The following UNC5A variants were observed in gnomAD, a reference collection of about 807,000 sequenced individuals.
The protein encoded by UNC5A is netrin receptor UNC5A.
Under a neutral mutation model 87.4 loss-of-function variants are expected in UNC5A, and 20 were observed. The ratio of observed to expected loss-of-function variants is 0.23; its 90% CI spans 0.16 to 0.33. UNC5A has a LOEUF of 0.33. Among genes scored for constraint, UNC5A ranks in the 10% least tolerant of loss-of-function variants. The probability of loss-of-function intolerance (pLI) is 1.00; values close to 1 mark genes in which losing one functional copy is unlikely to be tolerated. For synonymous variants in UNC5A, 438 were observed against 482.3 expected, an observed-to-expected ratio of 0.91 and a Z score of 1.20; for missense variants, 844 against 1,133.4, an observed-to-expected ratio of 0.74 and a Z score of 3.67.
chr5:176,810,762 G>A lies in UNC5A; in HGVS notation c.12G>A (p.Arg4=). 8.4e-7 allele frequency: 1 copy of A among 1,191,656 alleles called. No homozygotes were observed. The allele number at this position is 1,191,656 out of a possible 1,614,324, so 73.8% of individuals were successfully genotyped here. A position where few individuals can be genotyped will look rare whatever the true frequency, so the allele number is the denominator to read the frequency against. ...GCCCGCCCGCGGCCATGGCCGTCCG[G>A]CCCGGCCTGTGGCCAGCGCTCCTGG... MAV[R]PGLWPALLGI... Residue 4 remains arginine (R), a synonymous_variant, in exon 1 of 15, where the codon CGG becomes CGA. Transcript: ENST00000329542. This position sits in a 1 kb window ranked among gnomAD's most constrained non-coding sequence, Gnocchi z 7.3.
intron 1 of UNC5A, among the ~76,000 whole-genome samples, chr5:176,812,844 C>T (rs1756496191): frequency 6.6e-6 from 1 of 152,124 alleles, no homozygotes; most frequent in Non-Finnish European, 1.5e-5. Flanking sequence ...ACTCCCTTCC[C>T]CCTGTGCCCC....
chr5:176,853,115 G>A (rs1260456282), intron 1 of UNC5A, among the ~76,000 whole-genome samples: 3 of 152,214 alleles, frequency 2.0e-5, no homozygotes, highest in Non-Finnish European at 4.4e-5. Context: ...CAGCGTGTGC[G>A]GGCACGACAA....
chr5:176,864,907 G>C (rs1757934550), intron 2 of UNC5A: 2 of 446,070 alleles, frequency 4.5e-6, no homozygotes, highest in South Asian at 3.2e-5. Context: ...GGCCCCAGCG[G>C]AGGTGCCAGA....
At chr5:176,864,674 G>C in intron 2 of UNC5A, 1 of 322,010 alleles carries the variant, frequency 3.1e-6, no homozygotes, top group Non-Finnish European at 6.3e-6. Context: ...CCCAAGTGTC[G>C]TCTCAGTGCC....
At chr5:176,868,013 A>C in intron 2 of UNC5A, 117 bp from the exon 3 acceptor site, 5 of 851,516 alleles carry the variant, frequency 5.9e-6, no homozygotes, top group Non-Finnish European at 8.2e-6. Context: ...TAAAAAAAAA[A>C]AAACAAAGTC....
At chr5:176,813,011 C>T (rs761421363) in intron 1 of UNC5A, among the ~76,000 whole-genome samples, 2 of 152,178 alleles carry the variant, frequency 1.3e-5, no homozygotes, top group Non-Finnish European at 2.9e-5. Flanking sequence ...CAGGGGGCGC[C>T]GGGGGCCAGC....
intron 1 of UNC5A, among the ~76,000 whole-genome samples, chr5:176,853,228 G>A (rs1757587604): frequency 6.6e-6 from 1 of 152,192 alleles, no homozygotes; most frequent in Admixed American, 6.5e-5. Context: ...TCCTTGGTGG[G>A]TTGTACCACC....
In UNC5A at chr5:176,877,645, C is replaced by T. The variant is rs1408995356; in HGVS notation, c.1577C>T (p.Pro526Leu). 6.2e-7 allele frequency: 1 copy of T among 1,612,304 alleles called. No homozygotes were observed. The highest frequency in any genetic ancestry group is 1.7e-5 in the Admixed American group (1 of 60,008). ...VILAMDHCGEPSPDSWSLRLK... is the reference protein window; with the variant it reads ...VILAMDHCGELSPDSWSLRLK... ...CTGGCTATGGACCACTGTGGGGAGC[C>T]CAGCCCTGACAGCTGGAGCCTGCGC... Residue 526 changes from proline (P) to leucine (L), a missense_variant, in exon 10 of 15, where the codon CCC becomes CTC. Around this residue, in one of 3 missense-constraint regions of UNC5A, gnomAD observed 353 missense variants for 387.5 expected, o/e 0.91. Transcript: ENST00000329542.
Position 176,865,107 on chromosome 5 carries a change from G to C in UNC5A, c.292+2262G>C, listed in dbSNP as rs1397078599. On this transcript the variant is annotated intron_variant, in intron 2 of 14. Coordinates refer to ENST00000329542, the MANE Select transcript of UNC5A (RefSeq NM_133369.3). The surrounding 1 kb of genome is among the most constrained non-coding windows in gnomAD (Gnocchi z 5.3). ...CATGAAATCTCACGTGCCCAGTCAG[G>C]ACCCAGCACGGGGCCTTTCCTTTCT... The C allele has an allele frequency of 3.1e-6, 1 of 327,138 alleles. No homozygotes were observed. The highest frequency in any genetic ancestry group is 6.0e-6 in the Non-Finnish European group (1 of 165,470). 20.3% of individuals were successfully genotyped at this position (327,138 alleles called of 1,614,324 possible).
chr5:176,828,026 C>T (rs551307367), intron 1 of UNC5A, among the ~76,000 whole-genome samples: 9 of 152,166 alleles, frequency 5.9e-5, no homozygotes, highest in Admixed American at 2.0e-4. Flanking sequence ...TCAGCCCTCT[C>T]GGACCCTGTG....
rs1336788549 is a variant in UNC5A, at chr5:176,862,852, C to T, written c.292+7C>T. On this transcript the variant is annotated splice_region_variant and intron_variant, in intron 2 of 14. Transcript: ENST00000329542. ...AGCACAGACGGGAGCAGTGGTGAGCCGCATGGGGCGCCAGGCAGGGCCAAT... is the reference window on the plus strand; with the variant it reads ...AGCACAGACGGGAGCAGTGGTGAGCTGCATGGGGCGCCAGGCAGGGCCAAT... 23 of 1,612,082 alleles carry T rather than the reference C, an allele frequency of 1.4e-5. No homozygotes were observed. Among genetic ancestry groups the T allele is most frequent in the East Asian group, 2.2e-5 (1 of 44,832 alleles).
At chr5:176,817,982 C>A (rs1756634901) in intron 1 of UNC5A, among the ~76,000 whole-genome samples, 1 of 152,084 alleles carries the variant, frequency 6.6e-6, no homozygotes, top group South Asian at 2.1e-4. Flanking sequence ...GCTCTTTGTT[C>A]GGGGCCTGTT....
Position 176,831,984 on chromosome 5 carries a change from C to T in UNC5A, c.70+21164C>T, listed in dbSNP as rs570522367. Among the ~76,000 whole-genome samples, 62 of 150,546 alleles carry T rather than the reference C, an allele frequency of 4.1e-4. 1 individual carries two copies. Among genetic ancestry groups the T allele is most frequent in the African/African-American group, 1.5e-3 (61 of 40,550 alleles). On this transcript the variant is annotated intron_variant, in intron 1 of 14. Transcript: ENST00000329542. ...CAATCTCGGCTCTCTGCAACCTCCA[C>T]CTACCTGGCTCAAGTGATTCTCATG...
In UNC5A at chr5:176,874,041, G is replaced by A. The variant is rs932821857; in HGVS notation, c.960G>A (p.Leu320=). 3.7e-6 allele frequency: 6 copies of A among 1,613,992 alleles called. No individual in the cohort carries two copies. Among genetic ancestry groups the A allele is most frequent in the Non-Finnish European group, 5.1e-6 (6 of 1,179,998 alleles). ...TGGCCGTCTGCCTGGTCCTGCTGCT[G>A]CTTGTCCTCATCCTCGTTTATTGCC... ...IAVAVCLVLL[L]LVLILVYCRK... is the part of the protein sequence containing the mutation. Residue 320 remains leucine, a synonymous_variant, in exon 7 of 15, where the codon CTG becomes CTA. Coordinates refer to ENST00000329542, the MANE Select transcript of UNC5A (RefSeq NM_133369.3). This position sits in a 1 kb window ranked among gnomAD's most constrained non-coding sequence, Gnocchi z 7.6.
At position 176,824,487 on chromosome 5, in the gene UNC5A, C is replaced by T. The variant is rs1756804932; in HGVS notation, c.70+13667C>T. Among the ~76,000 whole-genome samples the T allele has an allele frequency of 6.6e-6, 1 of 152,106 alleles. No individual in the cohort carries two copies. The highest frequency in any genetic ancestry group is 1.5e-5 in the Non-Finnish European group (1 of 68,014). Reference sequence around the variant, plus strand: ...GAGAAAGATGATGATGTGAGCAAAGCGCCCACCCAGAGGTAGCAAGGTGGC... The same window carrying T: ...GAGAAAGATGATGATGTGAGCAAAGTGCCCACCCAGAGGTAGCAAGGTGGC... On this transcript the variant is annotated intron_variant, in intron 1 of 14. Transcript: ENST00000329542. The surrounding 1 kb of genome is among the most constrained non-coding windows in gnomAD (Gnocchi z 4.2).
chr5:176,830,583 CGT>C (rs1561644034), intron 1 of UNC5A, among the ~76,000 whole-genome samples: 11 of 82,860 alleles, frequency 1.3e-4, no homozygotes, highest in East Asian at 8.6e-4. Context: ...TGTGTGTGCG[CGT>C]GCTGGTGTGT....
chr5:176,844,745 T>C lies in UNC5A; in HGVS notation c.71-17879T>C, dbSNP rs1457528627. Reference sequence around the variant, plus strand: ...AGTTCACAGCCTCCTATTGTTCCAGTTGGAACAGAGGACTCAGCAGGGCTA... The same window carrying C: ...AGTTCACAGCCTCCTATTGTTCCAGCTGGAACAGAGGACTCAGCAGGGCTA... On this transcript the variant is annotated intron_variant, in intron 1 of 14. Transcript: ENST00000329542. The surrounding 1 kb of genome is among the most constrained non-coding windows in gnomAD (Gnocchi z 4.2). 6.6e-6 allele frequency among the ~76,000 whole-genome samples: 1 copy of C among 152,180 alleles called. No individual in the cohort carries two copies.
intron 1 of UNC5A, among the ~76,000 whole-genome samples, chr5:176,846,371 G>C (rs369290749): frequency 1.3e-5 from 2 of 151,984 alleles, no homozygotes; most frequent in South Asian, 4.2e-4. Flanking sequence ...GGTGGGGGGA[G>C]CTGAGTAGGG....
intron 1 of UNC5A, among the ~76,000 whole-genome samples, chr5:176,819,015 G>A (rs1008987588): frequency 6.6e-6 from 1 of 152,198 alleles, no homozygotes; most frequent in African/African-American, 2.4e-5. Context: ...TATAATGAAG[G>A]GGACTCTTTC....
Sources: gnomAD v4.1 joint callset for allele counts (sites outside exome capture counted in the v4.1 genomes callset) on GRCh38, gnomAD v4.1.1 for gene constraint, gnomAD v4.1.1 regional missense constraint, Gnocchi (gnomAD v3.1) non-coding constraint, MANE v1.5 for transcripts, NCBI Gene and HGNC (gene_info 2026-07-23, HGNC 2026-07-21) for gene names.